GMPS: variants seen among roughly 807,000 people sequenced by gnomAD.
GMPS encodes guanosine monophosphate synthase, also known as GMP synthase [glutamine-hydrolyzing].
In GMPS, 15 loss-of-function variants were observed where a neutral mutation model predicts 77.9. That is an observed-to-expected ratio of 0.19 (90% confidence interval 0.13 to 0.30). GMPS has a LOEUF of 0.30. GMPS is among the 10% of genes least tolerant of loss of function. The pLI is 1.00. For missense variants in GMPS, 590 were observed against 838.8 expected, an observed-to-expected ratio of 0.70 and a Z score of 3.66; for synonymous variants, 224 against 275.9, an observed-to-expected ratio of 0.81 and a Z score of 1.86.
rs527449812 is a variant in GMPS, at chr3:155,918,588, G to A, written c.1213-645G>A. 3.0e-4 allele frequency among the ~76,000 whole-genome samples: 46 copies of A among 152,124 alleles called. No individual in the cohort carries two copies. The South Asian group carries it at 8.9e-3, about 30-fold the overall frequency. ...TGCTTATTGGCCATTTGTGTATCTTGGAGAAATGTCTATTCGTATCCTTTG... is the reference window on the plus strand; with the variant it reads ...TGCTTATTGGCCATTTGTGTATCTTAGAGAAATGTCTATTCGTATCCTTTG... On this transcript the variant is annotated intron_variant, in intron 9 of 15. Transcript: ENST00000496455.
At position 155,937,713 on chromosome 3, in the gene GMPS, A is replaced by C. The variant is rs764041827; in HGVS notation, c.*21A>C. 1.6e-4 allele frequency: 158 copies of C among 979,652 alleles called. No individual in the cohort carries two copies. Among genetic ancestry groups the C allele is most frequent in the Non-Finnish European group, 2.3e-4 (137 of 603,708 alleles). The allele number at this position is 979,652 out of a possible 1,614,324, so 60.7% of individuals were successfully genotyped here. On this transcript the variant is annotated 3_prime_UTR_variant, in exon 16 of 16. Transcript: ENST00000496455. ...AGTAATAAACTTCTTGTTCTATTAA[A>C]GTACCGTGTGCAGTTTAAATTGATT... is the stretch of plus-strand genomic sequence containing the variant.
At chr3:155,911,007 T>A in intron 6 of GMPS, 107 bp from the exon 7 acceptor site, 1 of 1,099,562 alleles carries the variant, frequency 9.1e-7, no homozygotes, top group Non-Finnish European at 1.3e-6. Context: ...CCAGTTACCA[T>A]ACATATCTTT....
rs1192507755 is a variant in GMPS at position 155,941,181 on chromosome 3, G to A, written c.*3489G>A. On this transcript the variant is annotated 3_prime_UTR_variant, in exon 16 of 16. Coordinates refer to ENST00000496455, the MANE Select transcript of GMPS (RefSeq NM_003875.3). Reference sequence around the variant, plus strand: ...GCACTTTGGGAGGCCGAGGTGGGTGGATCACGAGATCAGGAGATCGAGACC... The same window carrying A: ...GCACTTTGGGAGGCCGAGGTGGGTGAATCACGAGATCAGGAGATCGAGACC... The A allele has an allele frequency of 2.2e-5, 4 of 177,864 alleles. No homozygotes were observed. The allele number at this position is 177,864 out of a possible 1,614,324, so 11.0% of individuals were successfully genotyped here.
intron 3 of GMPS, among the ~76,000 whole-genome samples, chr3:155,901,902 C>T (rs1401039454): frequency 6.6e-6 from 1 of 152,124 alleles, no homozygotes; most frequent in African/African-American, 2.4e-5. Flanking sequence ...TGACTTGTCT[C>T]TTCACTCTTT....
At chr3:155,937,570 C>T (rs1755792639) in intron 15 of GMPS, 21 bp from the exon 16 acceptor site, 1 of 1,037,802 alleles carries the variant, frequency 9.6e-7, no homozygotes. Flanking sequence ...GCTGACTTTT[C>T]TCTATAATTT....
At chr3:155,920,190 G>T (rs1755282879) in intron 10 of GMPS, among the ~76,000 whole-genome samples, 1 of 152,142 alleles carries the variant, frequency 6.6e-6, no homozygotes, top group Non-Finnish European at 1.5e-5. Context: ...TGAAAGGAGT[G>T]GAGCCAGAAT....
At chr3:155,902,605 G>C (rs1754760538) in intron 3 of GMPS, among the ~76,000 whole-genome samples, 1 of 152,084 alleles carries the variant, frequency 6.6e-6, no homozygotes, top group Admixed American at 6.5e-5. Context: ...GACACAGTAG[G>C]GCCTGCAGAG....
intron 12 of GMPS, among the ~76,000 whole-genome samples, chr3:155,926,138 A>C (rs1036697011): frequency 1.3e-5 from 2 of 152,082 alleles, no homozygotes; most frequent in Non-Finnish European, 2.9e-5. Flanking sequence ...CAGCTTCCCA[A>C]GTAGCTGGGA....
Position 155,943,843 on chromosome 3 carries a change from A to C in GMPS, c.*6151A>C, listed in dbSNP as rs1049519597. The C allele has an allele frequency of 1.9e-5, 3 of 154,284 alleles. No homozygotes were observed. The highest frequency in any genetic ancestry group is 7.2e-5 in the African/African-American group (3 of 41,526). The allele number at this position is 154,284 out of a possible 1,614,324, so 9.6% of individuals were successfully genotyped here. On this transcript the variant is annotated 3_prime_UTR_variant, in exon 16 of 16. Transcript: ENST00000496455. ...ACATAAGAAATTGCATATAGTGTCAAGGGTTTCTATATAACAACTTAATTT... is the reference window on the plus strand; with the variant it reads ...ACATAAGAAATTGCATATAGTGTCACGGGTTTCTATATAACAACTTAATTT...
At chr3:155,907,403 G>A (rs1052734497) in intron 5 of GMPS, among the ~76,000 whole-genome samples, 7 of 152,058 alleles carry the variant, frequency 4.6e-5, no homozygotes, top group East Asian at 1.9e-4. Context: ...GCACCATAGT[G>A]AGACCCCATC....
Position 155,911,201 on chromosome 3 carries a change from A to G in GMPS, c.808A>G (p.Ile270Val), listed in dbSNP as rs1470168465. ...LNQEQVIAVH[I>V]DNGFMRKRES... ...CCAAGAACAAGTCATTGCTGTGCACATTGATAATGGCTTTATGAGAAAACG... is the reference window on the plus strand; with the variant it reads ...CCAAGAACAAGTCATTGCTGTGCACGTTGATAATGGCTTTATGAGAAAACG... The change falls in exon 7 of 16, where the codon ATT (isoleucine) becomes GTT (valine). Residue 270 changes from isoleucine to valine, a missense_variant. Coordinates refer to ENST00000496455, the MANE Select transcript of GMPS (RefSeq NM_003875.3). The G allele has an allele frequency of 1.9e-6, 3 of 1,612,962 alleles. No homozygotes were observed. Among genetic ancestry groups the G allele is most frequent in the South Asian group, 2.2e-5 (2 of 91,014 alleles).
At chr3:155,915,982 A>C (rs371926478) in intron 8 of GMPS, 37 bp from the exon 9 acceptor site, 13 of 1,480,422 alleles carry the variant, frequency 8.8e-6, no homozygotes, top group East Asian at 2.3e-5. Context: ...AAAAAAAGTT[A>C]TCTCTTACAA....
intron 9 of GMPS, 135 bp from the exon 10 acceptor site, chr3:155,919,097 TA>T (rs1334039271): frequency 1.8e-5 from 10 of 558,768 alleles, no homozygotes; most frequent in Non-Finnish European, 3.2e-5. Flanking sequence ...ACAAATACTT[TA>T]AAAGATGCAT....
intron 4 of GMPS, among the ~76,000 whole-genome samples, chr3:155,904,447 G>A (rs1309145895): frequency 1.3e-5 from 2 of 151,726 alleles, no homozygotes; most frequent in African/African-American, 4.8e-5. Context: ...GAACCACCAC[G>A]CCCGGCTAAT....
intron 5 of GMPS, among the ~76,000 whole-genome samples, chr3:155,906,915 G>T (rs1326246267): frequency 6.6e-6 from 1 of 152,076 alleles, no homozygotes; most frequent in African/African-American, 2.4e-5. Context: ...TGACTTTCTG[G>T]CTGTTTGGGG....
At position 155,871,679 on chromosome 3, in the gene GMPS, C is replaced by A. The variant is rs76076773; in HGVS notation, c.27+782C>A. ...GAGCTTGCTGGTTTGCGGGGTAACC[C>A]GCTTCCCCGCCTTTGGGGTCCCTCC... On this transcript the variant is annotated intron_variant, in intron 1 of 15. Transcript: ENST00000496455. 6.3e-3 allele frequency among the ~76,000 whole-genome samples: 959 copies of A among 152,368 alleles called. 18 individuals are homozygous for A. The highest frequency in any genetic ancestry group is 0.022 in the African/African-American group (934 of 41,596).
At chr3:155,893,873 T>C (rs562863426) in intron 2 of GMPS, among the ~76,000 whole-genome samples, 174 bp downstream of exon 2, 2 of 152,336 alleles carry the variant, frequency 1.3e-5, no homozygotes, top group Admixed American at 1.3e-4. Flanking sequence ...AAGCTTTCAG[T>C]TTAAAAAGAT....
At chr3:155,905,430 T>C (rs76889486) in intron 4 of GMPS, among the ~76,000 whole-genome samples, 19 of 152,326 alleles carry the variant, frequency 1.2e-4, no homozygotes, top group African/African-American at 4.6e-4. Flanking sequence ...TTAATGTTAC[T>C]TAAGTCTCTT....
chr3:155,930,076 A>G (rs1046067462), intron 12 of GMPS, among the ~76,000 whole-genome samples: 4 of 146,782 alleles, frequency 2.7e-5, no homozygotes, highest in African/African-American at 9.9e-5. Context: ...AAAAGAACAA[A>G]GCTGGAGGCA....
Sources: gnomAD v4.1 joint callset for allele counts (sites outside exome capture counted in the v4.1 genomes callset) on GRCh38, gnomAD v4.1.1 for gene constraint, MANE v1.5 for transcripts, NCBI Gene and HGNC (gene_info 2026-07-23, HGNC 2026-07-21) for gene names.